GRID2: variants seen among roughly 807,000 people sequenced by gnomAD.
GRID2 encodes glutamate ionotropic receptor delta type subunit 2.
In GRID2, 33 loss-of-function variants were observed where a neutral mutation model predicts 114.8. The observed-to-expected ratio is 0.29, with a 90% confidence interval of 0.22 to 0.38. The LOEUF is 0.38. Ranked by LOEUF, GRID2 falls within the 10% of genes least tolerant of loss-of-function variation. The pLI is 1.00. For synonymous variants in GRID2, 505 were observed against 449.9 expected (o/e 1.12, Z -1.55); for missense variants, 1,184 against 1,257.7 (o/e 0.94, Z 0.89).
intron 3 of GRID2, among the ~76,000 whole-genome samples, chr4:93,106,732 T>TTTCC (rs113132895): frequency 0.055 from 8,324 of 152,260 alleles, 349 homozygotes; most frequent in East Asian, 0.2. Context: ...TTTGGTGTCA[T>TTTCC]TTCCTCAAAT....
intron 13 of GRID2, among the ~76,000 whole-genome samples, chr4:93,577,316 A>G (rs1427714843): frequency 6.6e-6 from 1 of 152,148 alleles, no homozygotes; most frequent in Non-Finnish European, 1.5e-5. Context: ...AAACATTTAT[A>G]GAAGAGAAAA....
chr4:92,675,701 C>G (rs1187119734), intron 2 of GRID2, among the ~76,000 whole-genome samples: 2 of 151,916 alleles, frequency 1.3e-5, no homozygotes, highest in Admixed American at 1.3e-4. Context: ...CAGGGGTCCG[C>G]CACGACGCCT....
At chr4:93,273,467 C>G (rs967471083) in intron 8 of GRID2, among the ~76,000 whole-genome samples, 2 of 77,024 alleles carry the variant, frequency 2.6e-5, no homozygotes, top group Non-Finnish European at 4.9e-5. Flanking sequence ...ATATCCCCCC[C>G]CCCAAAAAAT....
chr4:93,222,868 A>G lies in GRID2; in HGVS notation c.964-1746A>G, dbSNP rs1407873824. 3.3e-5 allele frequency among the ~76,000 whole-genome samples: 5 copies of G among 152,152 alleles called. No homozygotes were observed. The East Asian group carries it at 9.7e-4, about 29-fold the overall frequency. On this transcript the variant is annotated intron_variant, in intron 6 of 15. Transcript: ENST00000282020. ...ATTTTCTAAAGACACATGCACACGT[A>G]TGTTTATTGCGGCACTACTCACAAT...
rs1256943725 is a variant in GRID2 at position 93,515,283 on chromosome 4, G to A, written c.2065G>A (p.Glu689Lys). 3.7e-6 allele frequency: 6 copies of A among 1,609,114 alleles called. No individual in the cohort carries two copies. Among genetic ancestry groups the A allele is most frequent in the Non-Finnish European group, 4.3e-6 (5 of 1,175,838 alleles). ...CACAGTCCTAGACTCTGCGGTATAT[G>A]AGCATGTCCGCATGAAAGGACTGAA... ...YGTVLDSAVY[E>K]HVRMKGLNPF... The change falls in exon 13 of 16, where the codon GAG becomes AAG. Residue 689 changes from glutamate (E) to lysine (K), a missense_variant. Coordinates refer to ENST00000282020, the MANE Select transcript of GRID2 (RefSeq NM_001510.4).
chr4:92,685,588 T>G (rs1357349894), intron 2 of GRID2, among the ~76,000 whole-genome samples: 2 of 152,106 alleles, frequency 1.3e-5, no homozygotes, highest in African/African-American at 4.8e-5. Flanking sequence ...TAGTAATGAA[T>G]TTTTAACTAT....
chr4:92,551,545 G>A (rs1726589914), intron 1 of GRID2, among the ~76,000 whole-genome samples: 1 of 152,032 alleles, frequency 6.6e-6, no homozygotes, highest in Non-Finnish European at 1.5e-5. Context: ...GTGCCTGGGA[G>A]GATTACATTT....
intron 8 of GRID2, among the ~76,000 whole-genome samples, chr4:93,272,424 G>A (rs899304278): frequency 1.3e-5 from 2 of 152,182 alleles, no homozygotes; most frequent in Admixed American, 1.3e-4. Flanking sequence ...AAGGGCCAGA[G>A]GTGGGTGCAC....
chr4:93,032,384 A>G (rs916684375), intron 2 of GRID2, among the ~76,000 whole-genome samples: 4 of 152,176 alleles, frequency 2.6e-5, no homozygotes, highest in Non-Finnish European at 5.9e-5. Flanking sequence ...CATTAATGTG[A>G]GGTTCCTTTT....
chr4:93,608,002 C>G (rs1208770034), intron 13 of GRID2, among the ~76,000 whole-genome samples: 1 of 150,520 alleles, frequency 6.6e-6, no homozygotes, highest in Non-Finnish European at 1.5e-5. Flanking sequence ...TCATACAAAG[C>G]TACTTTTAAA....
intron 8 of GRID2, among the ~76,000 whole-genome samples, chr4:93,354,831 T>TAA (rs1491224332): frequency 1.5e-5 from 2 of 132,530 alleles, no homozygotes; most frequent in Admixed American, 7.5e-5. Context: ...TATATATATA[T>TAA]AATATATATA....
chr4:93,782,918 CACACAA>C (rs747276391), intron 1 of GRID2, among the ~76,000 whole-genome samples: 5 of 132,972 alleles, frequency 3.8e-5, no homozygotes, highest in Non-Finnish European at 8.2e-5. Flanking sequence ...CACACACACA[CACACAA>C]ACTAATCTAT....
intron 2 of GRID2, among the ~76,000 whole-genome samples, chr4:92,984,449 T>C (rs578234822): frequency 6.6e-6 from 1 of 152,230 alleles, no homozygotes; most frequent in African/African-American, 2.4e-5. Flanking sequence ...TACTCTTTGT[T>C]AGAGAAAGAC....
At chr4:92,963,060 C>T (rs1322750418) in intron 2 of GRID2, among the ~76,000 whole-genome samples, 2 of 151,928 alleles carry the variant, frequency 1.3e-5, no homozygotes, top group Non-Finnish European at 2.9e-5. Flanking sequence ...TCTAAAAAAA[C>T]AACATGAATA....
At chr4:92,576,700 C>T (rs1727913089) in intron 1 of GRID2, among the ~76,000 whole-genome samples, 2 of 152,174 alleles carry the variant, frequency 1.3e-5, no homozygotes, top group Non-Finnish European at 2.9e-5. Flanking sequence ...ATGGGACCTC[C>T]TGATCCATGG....
intron 2 of GRID2, among the ~76,000 whole-genome samples, chr4:92,878,589 G>A (rs914398118): frequency 9.2e-5 from 14 of 152,064 alleles, no homozygotes; most frequent in South Asian, 2.1e-4. Context: ...TTAAGATTTC[G>A]TGGCTCTTTT....
chr4:93,216,042 A>G (rs1744169394), intron 5 of GRID2, among the ~76,000 whole-genome samples: 1 of 152,134 alleles, frequency 6.6e-6, no homozygotes, highest in African/African-American at 2.4e-5. Flanking sequence ...AATAGATAAA[A>G]TTTGTTTAGA....
intron 14 of GRID2, among the ~76,000 whole-genome samples, chr4:93,742,996 T>C (rs1731547779): frequency 1.3e-5 from 2 of 152,234 alleles, no homozygotes; most frequent in South Asian, 4.1e-4. Flanking sequence ...TTGTGCCAGT[T>C]AGCCCAGTTG....
At chr4:92,959,016 T>C (rs1356608697) in intron 2 of GRID2, among the ~76,000 whole-genome samples, 1 of 151,606 alleles carries the variant, frequency 6.6e-6, no homozygotes, top group Non-Finnish European at 1.5e-5. Flanking sequence ...TAGTGATGTG[T>C]CTTCTTTCAT....
Sources: allele counts gnomAD v4.1 joint callset (sites outside exome capture counted in the v4.1 genomes callset), GRCh38; gene constraint gnomAD v4.1.1; transcripts MANE v1.5; gene names NCBI Gene and HGNC (gene_info 2026-07-23, HGNC 2026-07-21).